KALRN: variants seen among roughly 807,000 people sequenced by gnomAD.
KALRN encodes the protein kalirin.
KALRN carries 70 observed loss-of-function variants against 353.7 expected under a neutral mutation model. That is an observed-to-expected ratio of 0.20 (90% CI 0.16 to 0.24). The LOEUF (loss-of-function observed/expected upper bound fraction) is 0.24. Among genes scored for constraint, KALRN ranks in the 10% least tolerant of loss-of-function variants. The probability of loss-of-function intolerance (pLI) is 1.00; values close to 1 mark genes in which losing one functional copy is unlikely to be tolerated. For missense variants in KALRN, 2,791 were observed against 3,756.7 expected (o/e 0.74, Z 6.72); for synonymous variants, 1,391 against 1,434.8 (o/e 0.97, Z 0.69).
chr3:124,098,909 A>G (rs1418683733), intron 1 of KALRN, among the ~76,000 whole-genome samples: 1 of 152,248 alleles, frequency 6.6e-6, no homozygotes, highest in Non-Finnish European at 1.5e-5. Flanking sequence ...GTTTGTCATT[A>G]TGTCAGCATC....
chr3:124,622,661 G>T (rs1007239476), intron 34 of KALRN, among the ~76,000 whole-genome samples: 4 of 152,158 alleles, frequency 2.6e-5, no homozygotes, highest in Admixed American at 2.6e-4. Context: ...GGTCTTTGGG[G>T]ACACTAAGCT....
intron 1 of KALRN, among the ~76,000 whole-genome samples, chr3:124,057,332 G>A (rs1160986845): frequency 1.3e-5 from 2 of 152,156 alleles, no homozygotes; most frequent in Non-Finnish European, 2.9e-5. Context: ...AGTTTTAAAG[G>A]TCAAGAAATT....
At chr3:124,196,277 T>C (rs527694659) in intron 1 of KALRN, among the ~76,000 whole-genome samples, 34 of 152,258 alleles carry the variant, frequency 2.2e-4, no homozygotes, top group Admixed American at 2.0e-3. Context: ...GTTGGGTATG[T>C]GAGGGCTCTG....
chr3:124,591,660 A>G (rs2075785205), intron 34 of KALRN, among the ~76,000 whole-genome samples: 1 of 152,114 alleles, frequency 6.6e-6, no homozygotes, highest in South Asian at 2.1e-4. Flanking sequence ...GCCTAGCATA[A>G]TGCCAGGCAT....
At chr3:124,440,415 A>G (rs1237457015) in intron 18 of KALRN, among the ~76,000 whole-genome samples, 1 of 152,092 alleles carries the variant, frequency 6.6e-6, no homozygotes, top group African/African-American at 2.4e-5. Flanking sequence ...TAAATAGAAT[A>G]TTGAGCTCTT....
At chr3:124,211,897 T>C (rs944018538) in intron 1 of KALRN, among the ~76,000 whole-genome samples, 16 of 152,162 alleles carry the variant, frequency 1.1e-4, no homozygotes, top group Admixed American at 6.5e-4. Context: ...TCTTGTGCCT[T>C]TTTGGGAAGG....
intron 15 of KALRN, among the ~76,000 whole-genome samples, chr3:124,426,693 A>G (rs976680775): frequency 2.0e-5 from 3 of 152,080 alleles, no homozygotes; most frequent in Non-Finnish European, 2.9e-5. Flanking sequence ...AAGGGAAACC[A>G]CTCCACTGAT....
chr3:124,056,664 GAC>G (rs2149185809), intron 1 of KALRN, among the ~76,000 whole-genome samples: 1 of 152,258 alleles, frequency 6.6e-6, no homozygotes, highest in Admixed American at 6.5e-5. Context: ...TCTCAGACAT[GAC>G]ACACAAAACG....
At position 124,396,454 on chromosome 3, in the gene KALRN, T is replaced by C. The variant is rs115193662; in HGVS notation, c.2171+1111T>C. ...CCTAATTATCTTCATGAATATATAA[T>C]ACATGACAGCTTTGTGTGCCTCCCT... is the stretch of plus-strand genomic sequence containing the variant. On this transcript the variant is annotated intron_variant, in intron 12 of 59. Transcript: ENST00000682506. Among the ~76,000 whole-genome samples the C allele has an allele frequency of 6.9e-3, 1,047 of 152,334 alleles. 9 individuals are homozygous for C. The highest frequency in any genetic ancestry group is 0.023 in the African/African-American group (974 of 41,586).
intron 33 of KALRN, among the ~76,000 whole-genome samples, chr3:124,517,615 T>G (rs1159740311): frequency 6.6e-6 from 1 of 152,130 alleles, no homozygotes; most frequent in African/African-American, 2.4e-5. Flanking sequence ...GATGGCCCAG[T>G]AGAGATGGTG....
At chr3:124,152,527 T>C (rs2068258544) in intron 1 of KALRN, 1 of 710,134 alleles carries the variant, frequency 1.4e-6, no homozygotes, top group Admixed American at 2.2e-5. Flanking sequence ...CTTGTTACAG[T>C]GCTTTTCTTT....
intron 3 of KALRN, among the ~76,000 whole-genome samples, chr3:124,255,337 TATC>T (rs2071794868): frequency 6.6e-6 from 1 of 152,200 alleles, no homozygotes; most frequent in Non-Finnish European, 1.5e-5. Context: ...TCTTAAGACT[TATC>T]ATAACTTGCA....
Position 124,627,906 on chromosome 3 carries a change from G to A in KALRN, c.5183-4514G>A, listed in dbSNP as rs191212105. The stretch of plus-strand genomic sequence containing the variant: ...CCTAATATTCCCTGAGTATAGCAAC[G>A]CTGTGAGTTATCCTTCATACCAGAG... On this transcript the variant is annotated intron_variant, in intron 34 of 59. Transcript: ENST00000682506. Among the ~76,000 whole-genome samples, 13 of 152,252 alleles carry A rather than the reference G, an allele frequency of 8.5e-5. No homozygotes were observed. The East Asian group carries it at 2.5e-3, about 29-fold the overall frequency.
rs2080911947 is a variant in KALRN, at chr3:124,334,408, G to A, written c.1560G>A (p.Gln520=). ...LDVVHEVLHH[Q]RRLESIWQHR... Reference sequence around the variant, plus strand: ...TGGTGCATGAGGTGTTACATCACCAGCGACGGCTGGAGAGCATCTGGCAGC... The same window carrying A: ...TGGTGCATGAGGTGTTACATCACCAACGACGGCTGGAGAGCATCTGGCAGC... The change falls in exon 9 of 60, where the codon CAG becomes CAA. Residue 520 remains glutamine, a synonymous_variant. Transcript: ENST00000682506. The surrounding 1 kb of genome is among the most constrained non-coding windows in gnomAD (Gnocchi z 4.2). 1 of 1,614,232 alleles carries A rather than the reference G, an allele frequency of 6.2e-7. No homozygotes were observed. Among genetic ancestry groups the A allele is most frequent in the East Asian group, 2.2e-5 (1 of 44,878 alleles).
intron 34 of KALRN, among the ~76,000 whole-genome samples, chr3:124,590,436 T>C (rs1331833260): frequency 6.6e-6 from 1 of 152,078 alleles, no homozygotes; most frequent in East Asian, 1.9e-4. Flanking sequence ...TCTGTATCTG[T>C]TTTTTAATGC....
At chr3:124,136,227 G>A (rs1219761623) in intron 1 of KALRN, among the ~76,000 whole-genome samples, 1 of 151,998 alleles carries the variant, frequency 6.6e-6, no homozygotes, top group Non-Finnish European at 1.5e-5. Flanking sequence ...ATATCCCCAG[G>A]GCCTAAGTCA....
rs373626358 is a variant in KALRN, at chr3:124,198,993, G to A, written c.74-28997G>A. The stretch of plus-strand genomic sequence containing the variant: ...AGTGCTAGGAGAGAGTCAGGAGCAA[G>A]GATGGGACAGGTACCAGGGATCAAA... On this transcript the variant is annotated intron_variant, in intron 1 of 59. Coordinates refer to ENST00000682506, the MANE Select transcript of KALRN (RefSeq NM_001388419.1). Among the ~76,000 whole-genome samples, 132 of 152,334 alleles carry A rather than the reference G, an allele frequency of 8.7e-4. 1 individual carries two copies. The highest frequency in any genetic ancestry group is 1.2e-3 in the Non-Finnish European group (84 of 68,030).
At chr3:124,457,155 C>T (rs962371636) in intron 23 of KALRN, among the ~76,000 whole-genome samples, 9 of 152,008 alleles carry the variant, frequency 5.9e-5, no homozygotes, top group Non-Finnish European at 8.8e-5. Context: ...CTGCAACCTC[C>T]GCCTCCTGGA....
chr3:124,443,960 A>G (rs2093749616), intron 19 of KALRN, among the ~76,000 whole-genome samples: 1 of 152,208 alleles, frequency 6.6e-6, no homozygotes, highest in African/African-American at 2.4e-5. Flanking sequence ...AGGGACCTAC[A>G]ATCCCTTATA....
Sources: allele counts gnomAD v4.1 joint callset (sites outside exome capture counted in the v4.1 genomes callset), GRCh38; gene constraint gnomAD v4.1.1; non-coding constraint Gnocchi (gnomAD v3.1); transcripts MANE v1.5; gene names NCBI Gene and HGNC (gene_info 2026-07-23, HGNC 2026-07-21).